The following EEA1 variants were observed in gnomAD, a reference collection of about 807,000 sequenced individuals.
EEA1 encodes the protein early endosome antigen 1.
EEA1 carries 111 observed loss-of-function variants against 209.2 expected under a neutral mutation model. The observed-to-expected ratio is 0.53, with a 90% CI of 0.45 to 0.62. EEA1 has a LOEUF of 0.62. EEA1 is among the 20% of genes least tolerant of loss of function. The pLI, the probability that EEA1 is intolerant of heterozygous loss-of-function variation, is 0.00. For missense variants in EEA1, 1,343 were observed against 1,530.8 expected, an observed-to-expected ratio of 0.88 and a Z score of 2.05; for synonymous variants, 536 against 540.6, an observed-to-expected ratio of 0.99 and a Z score of 0.12.
At chr12:92,827,836 CAATT>C in intron 12 of EEA1, 72 bp downstream of exon 12, 2 of 1,376,368 alleles carry the variant, frequency 1.5e-6, no homozygotes, top group East Asian at 2.7e-5. Context: ...AAAGCTTTGA[CAATT>C]AACAGATTGA....
chr12:92,871,202 C>CA (rs1416090801), intron 2 of EEA1, among the ~76,000 whole-genome samples: 1 of 152,102 alleles, frequency 6.6e-6, no homozygotes, highest in Non-Finnish European at 1.5e-5. Flanking sequence ...TACAAATTCA[C>CA]AAAAAGACAG....
Position 92,819,180 on chromosome 12 carries a change from C to A in EEA1, c.1728+128G>T, listed in dbSNP as rs537282783. On this transcript the variant is annotated intron_variant, in intron 14 of 28. Coordinates refer to ENST00000322349, the MANE Select transcript of EEA1 (RefSeq NM_003566.4). Reference sequence around the variant, plus strand: ...TTAAGGTACATGAGATGCTATTTGGCAAAAAATATATAACACTTAAAATGT... The same window carrying A: ...TTAAGGTACATGAGATGCTATTTGGAAAAAAATATATAACACTTAAAATGT... 15 of 827,930 alleles carry A rather than the reference C, an allele frequency of 1.8e-5. No individual in the cohort carries two copies. In the African/African-American group the frequency reaches 2.3e-4, roughly 13 times the overall value. 51.3% of individuals were successfully genotyped at this position (827,930 alleles called of 1,614,324 possible). A position where few individuals can be genotyped will look rare whatever the true frequency, so the allele number is the denominator to read the frequency against.
At chr12:92,908,294 A>T (rs1388692925) in intron 1 of EEA1, among the ~76,000 whole-genome samples, 1 of 152,200 alleles carries the variant, frequency 6.6e-6, no homozygotes, top group East Asian at 1.9e-4. Context: ...AGTGACAGGA[A>T]GTGGAATTGT....
chr12:92,802,641 G>T lies in EEA1; in HGVS notation c.2433C>A (p.Ile811=). ...KLTKQEEEKK[I]LKQDFETLSQ... is the part of the protein sequence containing the mutation. ...TTAAAGTTTCAAAATCTTGTTTCAG[G>T]ATTTTTTTTTCTTCCTCTTGCTTGG... The change falls in exon 19 of 29, where the codon ATC becomes ATA. Residue 811 remains isoleucine, a synonymous_variant. Transcript: ENST00000322349. 6.2e-7 allele frequency: 1 copy of T among 1,604,000 alleles called. No homozygotes were observed. Among genetic ancestry groups the T allele is most frequent in the Non-Finnish European group, 8.5e-7 (1 of 1,177,166 alleles).
At chr12:92,836,630 G>A (rs923166235) in intron 10 of EEA1, among the ~76,000 whole-genome samples, 1 of 152,078 alleles carries the variant, frequency 6.6e-6, no homozygotes, top group Non-Finnish European at 1.5e-5. Context: ...ATTGTTCTAT[G>A]CCTTTTGTAC....
chr12:92,805,173 T>C (rs779179372), intron 18 of EEA1, among the ~76,000 whole-genome samples: 40 of 152,178 alleles, frequency 2.6e-4, no homozygotes, highest in Admixed American at 1.2e-3. Flanking sequence ...ATTCTAGAGA[T>C]AATGATGAAC....
intron 2 of EEA1, chr12:92,879,238 G>A: frequency 3.8e-6 from 1 of 265,308 alleles, no homozygotes; most frequent in Non-Finnish European, 7.2e-6. Flanking sequence ...ATATTTACAT[G>A]ATACTTACCA....
In EEA1 at chr12:92,925,935, A is replaced by G. The variant is rs543445539; in HGVS notation, c.24+3108T>C. Among the ~76,000 whole-genome samples the G allele has an allele frequency of 5.9e-5, 9 of 152,344 alleles. No homozygotes were observed. In the South Asian group the frequency reaches 1.9e-3, roughly 32 times the overall value. On this transcript the variant is annotated intron_variant, in intron 1 of 28. Transcript: ENST00000322349. ...TTTAAAGGAAACTATTCAGAAGAAA[A>G]TAAGAATAGTTAAAATGAAAAGTTC...
At chr12:92,916,965 G>C (rs555369154) in intron 1 of EEA1, among the ~76,000 whole-genome samples, 1 of 151,820 alleles carries the variant, frequency 6.6e-6, no homozygotes, top group South Asian at 2.1e-4. Flanking sequence ...CTCAGGAGCC[G>C]ACGCGATCAA....
At chr12:92,793,393 G>A (rs1023478634) in intron 21 of EEA1, among the ~76,000 whole-genome samples, 1 of 152,192 alleles carries the variant, frequency 6.6e-6, no homozygotes, top group Non-Finnish European at 1.5e-5. Context: ...CATTGTCTCA[G>A]TCCAAAATCT....
chr12:92,778,101 C>T lies in EEA1; in HGVS notation c.3733G>A (p.Ala1245Thr). 3.1e-6 allele frequency: 5 copies of T among 1,613,344 alleles called. No individual in the cohort carries two copies. The highest frequency in any genetic ancestry group is 1.1e-5 in the South Asian group (1 of 91,070). ...NEAKLTMQITALNENLGTVKK... is the reference protein window; with the variant it reads ...NEAKLTMQITTLNENLGTVKK... The stretch of plus-strand genomic sequence containing the variant: ...ACAGTGCCTAAGTTTTCATTTAATG[C>T]TGTAATCTGCATGGTAAGTTTAGCC... Residue 1245 changes from alanine to threonine, a missense_variant, in exon 26 of 29, where the codon GCA becomes ACA. This residue lies in a region of EEA1 where 1,307 missense variants were observed against 1,465.5 expected (regional missense o/e 0.89). Transcript: ENST00000322349.
At chr12:92,842,387 A>AT in intron 10 of EEA1, 78 bp downstream of exon 10, 3 of 765,188 alleles carry the variant, frequency 3.9e-6, no homozygotes, top group Non-Finnish European at 6.5e-6. Context: ...ATGCCAATAT[A>AT]TTTTTTAAAG....
In EEA1 at chr12:92,832,504, G is replaced by C. The variant is rs1421031478; in HGVS notation, c.1254+8C>G. On this transcript the variant is annotated splice_region_variant and intron_variant, in intron 11 of 28. Coordinates refer to ENST00000322349, the MANE Select transcript of EEA1 (RefSeq NM_003566.4). ...AGAATTACAATAAATAAAATTAACA[G>C]CTCTTACTTGATTAATTTCACTTTG... is the stretch of plus-strand genomic sequence containing the variant. 8 of 1,599,802 alleles carry C rather than the reference G, an allele frequency of 5.0e-6. No homozygotes were observed. The highest frequency in any genetic ancestry group is 1.7e-5 in the Admixed American group (1 of 57,642).
intron 18 of EEA1, among the ~76,000 whole-genome samples, chr12:92,803,538 A>G (rs1236913552): frequency 1.3e-5 from 2 of 152,268 alleles, no homozygotes; most frequent in East Asian, 3.9e-4. Flanking sequence ...ACTAGTTCCA[A>G]TGTAATCAGA....
intron 3 of EEA1, chr12:92,858,105 A>G: frequency 3.8e-6 from 2 of 523,040 alleles, no homozygotes; most frequent in Non-Finnish European, 7.1e-6. Flanking sequence ...AACAGCTTCC[A>G]CTAGGTGTTC....
chr12:92,873,211 A>G (rs1051105203), intron 2 of EEA1, among the ~76,000 whole-genome samples: 1 of 152,214 alleles, frequency 6.6e-6, no homozygotes, highest in African/African-American at 2.4e-5. Flanking sequence ...GTTTTTGTGT[A>G]TATAAAATAC....
At chr12:92,873,462 T>C (rs78654905) in intron 2 of EEA1, among the ~76,000 whole-genome samples, 9,317 of 152,282 alleles carry the variant, frequency 0.061, 306 homozygotes, top group Middle Eastern at 0.11. Flanking sequence ...GGTGAAACTA[T>C]TGTGCCTGAT....
intron 2 of EEA1, among the ~76,000 whole-genome samples, chr12:92,891,252 C>G (rs758849598): frequency 4.6e-5 from 7 of 151,904 alleles, no homozygotes; most frequent in Non-Finnish European, 1.0e-4. Context: ...TACATGAAGA[C>G]AGTAAATAAT....
Position 92,915,377 on chromosome 12 carries a change from A to G in EEA1, c.24+13666T>C, listed in dbSNP as rs568422337. Reference sequence around the variant, plus strand: ...CAGCTACTAGGGAGGCTAAGCCAGGAGGACTGCTTAAGCCTGGAAAGGCTG... The same window carrying G: ...CAGCTACTAGGGAGGCTAAGCCAGGGGGACTGCTTAAGCCTGGAAAGGCTG... On this transcript the variant is annotated intron_variant, in intron 1 of 28. Coordinates refer to ENST00000322349, the MANE Select transcript of EEA1 (RefSeq NM_003566.4). 5.6e-4 allele frequency among the ~76,000 whole-genome samples: 86 copies of G among 152,288 alleles called. 1 individual carries two copies. In the South Asian group the frequency reaches 0.013, roughly 22 times the overall value.
Sources: gnomAD v4.1 joint callset for allele counts (sites outside exome capture counted in the v4.1 genomes callset) on GRCh38, gnomAD v4.1.1 for gene constraint, gnomAD v4.1.1 regional missense constraint, MANE v1.5 for transcripts, NCBI Gene and HGNC (gene_info 2026-07-23, HGNC 2026-07-21) for gene names.